TAF4B: variants seen among roughly 807,000 people sequenced by gnomAD.
TAF4B encodes TATA-box binding protein associated factor 4b.
Under a neutral mutation model 86.4 loss-of-function variants are expected in TAF4B, and 38 were observed. The observed-to-expected ratio is 0.44, with a 90% CI of 0.34 to 0.58. TAF4B has a LOEUF of 0.58. Among genes scored for constraint, TAF4B ranks in the 20% least tolerant of loss-of-function variants. TAF4B has a pLI of 0.02. For missense variants in TAF4B, 988 were observed against 1,027.6 expected (o/e 0.96, Z 0.53); for synonymous variants, 388 against 391.2 (o/e 0.99, Z 0.10).
At chr18:26,329,654 T>C (rs756576811) in intron 12 of TAF4B, among the ~76,000 whole-genome samples, 1 of 152,258 alleles carries the variant, frequency 6.6e-6, no homozygotes, top group Non-Finnish European at 1.5e-5. Context: ...CCAGGGCTCA[T>C]CTGATCTTTC....
At chr18:26,228,941 G>A (rs542785253) in intron 1 of TAF4B, among the ~76,000 whole-genome samples, 9 of 152,232 alleles carry the variant, frequency 5.9e-5, no homozygotes, top group African/African-American at 2.2e-4. Flanking sequence ...TAAGGAAAGA[G>A]GTCTCTAAGA....
intron 13 of TAF4B, among the ~76,000 whole-genome samples, chr18:26,351,844 C>T (rs935343165): frequency 1.8e-4 from 28 of 152,068 alleles, no homozygotes; most frequent in Admixed American, 7.2e-4. Context: ...TTAACACCAG[C>T]GATTTTCACT....
chr18:26,337,563 C>T (rs1176262053), intron 13 of TAF4B, among the ~76,000 whole-genome samples: 4 of 151,766 alleles, frequency 2.6e-5, no homozygotes, highest in Non-Finnish European at 2.9e-5. Context: ...GCTGGGATTA[C>T]AGGCGCGTAC....
At chr18:26,260,010 C>T (rs1039706057) in intron 1 of TAF4B, among the ~76,000 whole-genome samples, 2,277 of 151,968 alleles carry the variant, frequency 0.015, 22 homozygotes, top group South Asian at 0.019. Flanking sequence ...ATTGTGGTTT[C>T]GATTTGCATT....
At chr18:26,259,012 C>A (rs1185654569) in intron 1 of TAF4B, among the ~76,000 whole-genome samples, 2 of 151,708 alleles carry the variant, frequency 1.3e-5, no homozygotes, top group Non-Finnish European at 2.9e-5. Context: ...TTTTAAATGT[C>A]TTTGCCTTCC....
At chr18:26,381,230 G>C (rs1598843104) in intron 14 of TAF4B, among the ~76,000 whole-genome samples, 1 of 151,700 alleles carries the variant, frequency 6.6e-6, no homozygotes, top group Non-Finnish European at 1.5e-5. Flanking sequence ...TCCCAGGCTG[G>C]TCTTGAACTC....
At chr18:26,258,250 C>T (rs1598732951) in intron 1 of TAF4B, among the ~76,000 whole-genome samples, 2 of 142,170 alleles carry the variant, frequency 1.4e-5, no homozygotes, top group East Asian at 3.9e-4. Context: ...GAGACTCCAT[C>T]TCAAAAAAAA....
intron 5 of TAF4B, among the ~76,000 whole-genome samples, chr18:26,279,545 C>CAAAAAAA (rs375937630): frequency 1.8e-5 from 2 of 113,534 alleles, no homozygotes; most frequent in Non-Finnish European, 2.0e-5. Flanking sequence ...CAATTAGAAG[C>CAAAAAAA]AAAAAAAAAA....
chr18:26,233,045 G>C (rs527500785), intron 1 of TAF4B, among the ~76,000 whole-genome samples: 29 of 152,168 alleles, frequency 1.9e-4, no homozygotes, highest in Non-Finnish European at 3.2e-4. Flanking sequence ...GCAGGTGCCT[G>C]TCTAGTTGGT....
At chr18:26,273,370 A>G (rs1320938009) in intron 3 of TAF4B, among the ~76,000 whole-genome samples, 1 of 152,204 alleles carries the variant, frequency 6.6e-6, no homozygotes, top group African/African-American at 2.4e-5. Context: ...ATTATGAAAT[A>G]TACATGCAAA....
intron 13 of TAF4B, among the ~76,000 whole-genome samples, chr18:26,337,299 C>G (rs929222309): frequency 7.2e-5 from 11 of 152,076 alleles, no homozygotes; most frequent in Admixed American, 7.2e-4. Context: ...TCTCCTGCCC[C>G]CTAGAGTTCT....
chr18:26,310,585 T>C (rs2056844141), intron 9 of TAF4B, among the ~76,000 whole-genome samples: 1 of 152,242 alleles, frequency 6.6e-6, no homozygotes, highest in Admixed American at 6.5e-5. Flanking sequence ...CTAATTTTAT[T>C]ACAGATTTAG....
At chr18:26,359,883 ATT>A (rs11414642) in intron 14 of TAF4B, among the ~76,000 whole-genome samples, 1 of 144,874 alleles carries the variant, frequency 6.9e-6, no homozygotes. Context: ...TGCCTGGCTA[ATT>A]TTTTTTTTTT....
At chr18:26,299,808 A>G (rs564007063) in intron 9 of TAF4B, among the ~76,000 whole-genome samples, 3 of 152,256 alleles carry the variant, frequency 2.0e-5, no homozygotes, top group Admixed American at 2.0e-4. Context: ...TTTATCAGCA[A>G]GAAATTGTTC....
chr18:26,253,956 C>T (rs914807137), intron 1 of TAF4B, among the ~76,000 whole-genome samples: 2 of 112,022 alleles, frequency 1.8e-5, no homozygotes, highest in African/African-American at 3.5e-5. Context: ...GATGGAGTTT[C>T]GCTCTGTTGC....
chr18:26,376,658 GC>G (rs2057445193), intron 14 of TAF4B, among the ~76,000 whole-genome samples: 1 of 151,958 alleles, frequency 6.6e-6, no homozygotes, highest in Admixed American at 6.6e-5. Flanking sequence ...ACTTCTGGAT[GC>G]CTTGTTATTT....
At chr18:26,337,152 A>C (rs116224273) in intron 13 of TAF4B, among the ~76,000 whole-genome samples, 1 of 152,180 alleles carries the variant, frequency 6.6e-6, no homozygotes, top group Non-Finnish European at 1.5e-5. Context: ...AAATATTTTG[A>C]AAGTTTTCTG....
At chr18:26,267,903 A>C (rs2056262825) in intron 3 of TAF4B, among the ~76,000 whole-genome samples, 1 of 152,206 alleles carries the variant, frequency 6.6e-6, no homozygotes, top group African/African-American at 2.4e-5. Context: ...TTCTGAGATA[A>C]AATTTGGGAT....
At chr18:26,387,823 G>A (rs535134851) in intron 14 of TAF4B, among the ~76,000 whole-genome samples, 1 of 152,234 alleles carries the variant, frequency 6.6e-6, no homozygotes, top group South Asian at 2.1e-4. Context: ...ATATGACTGC[G>A]ACATCATGTC....
Sources: gnomAD v4.1 joint callset for allele counts (sites outside exome capture counted in the v4.1 genomes callset) on GRCh38, gnomAD v4.1.1 for gene constraint, MANE v1.5 for transcripts, NCBI Gene and HGNC (gene_info 2026-07-23, HGNC 2026-07-21) for gene names.